The following ATP8A1 variants were observed in gnomAD, a reference collection of about 807,000 sequenced individuals.
ATP8A1 encodes ATPase phospholipid transporting 8A1.
Under a neutral mutation model 177.7 loss-of-function variants are expected in ATP8A1, and 90 were observed. The observed-to-expected ratio is 0.51, with a 90% CI of 0.43 to 0.60. The LOEUF (loss-of-function observed/expected upper bound fraction) is 0.60, where lower values mean the gene tolerates loss of function less well. ATP8A1 is among the 20% of genes least tolerant of loss of function. The pLI, the probability that ATP8A1 is intolerant of heterozygous loss-of-function variation, is 0.00. For missense variants in ATP8A1, 1,072 were observed against 1,392.8 expected (o/e 0.77, Z 3.67); for synonymous variants, 493 against 485.9 (o/e 1.01, Z -0.19).
chr4:42,571,827 A>G (rs1015541586), intron 14 of ATP8A1, among the ~76,000 whole-genome samples: 4 of 152,200 alleles, frequency 2.6e-5, no homozygotes, highest in Non-Finnish European at 2.9e-5. Context: ...ACTATGTACA[A>G]ATCTATTTTA....
intron 25 of ATP8A1, among the ~76,000 whole-genome samples, chr4:42,470,314 C>T (rs1259695737): frequency 6.6e-6 from 1 of 152,216 alleles, no homozygotes; most frequent in African/African-American, 2.4e-5. Context: ...GTAACTCTCA[C>T]TGCCCTGTGA....
At chr4:42,574,761 TTTAC>T (rs750336288) in intron 13 of ATP8A1, 54 bp from the exon 14 acceptor site, 7 of 1,259,676 alleles carry the variant, frequency 5.6e-6, no homozygotes, top group Non-Finnish European at 6.7e-6. Context: ...ATGCCACTCT[TTTAC>T]AGAGAAACCC....
At chr4:42,454,539 T>G (rs1333647860) in intron 29 of ATP8A1, among the ~76,000 whole-genome samples, 1 of 152,188 alleles carries the variant, frequency 6.6e-6, no homozygotes, top group Non-Finnish European at 1.5e-5. Flanking sequence ...CTAACTTGAT[T>G]GTTGTAATAT....
At chr4:42,462,721 C>A (rs1035874824) in intron 27 of ATP8A1, among the ~76,000 whole-genome samples, 27 of 152,230 alleles carry the variant, frequency 1.8e-4, no homozygotes, top group African/African-American at 6.0e-4. Context: ...GTCCTCCAGA[C>A]CTCAGAATGG....
At chr4:42,451,281 G>A (rs1471839017) in intron 30 of ATP8A1, among the ~76,000 whole-genome samples, 1 of 152,146 alleles carries the variant, frequency 6.6e-6, no homozygotes, top group Non-Finnish European at 1.5e-5. Flanking sequence ...TTCCTTGGGT[G>A]TACTATGTGT....
rs150573220 is a variant in ATP8A1, at chr4:42,566,111, T to C, written c.1340+3050A>G. 1.7e-3 allele frequency among the ~76,000 whole-genome samples: 262 copies of C among 152,332 alleles called. 1 individual carries two copies. Among genetic ancestry groups the C allele is most frequent in the Non-Finnish European group, 2.5e-3 (167 of 68,028 alleles). On this transcript the variant is annotated intron_variant, in intron 15 of 36. Transcript: ENST00000381668. Reference sequence around the variant, plus strand: ...GCTACAACCATCATCTGATTATCTTTAATGTTAACAGAATATGTGGAAAGA... The same window carrying C: ...GCTACAACCATCATCTGATTATCTTCAATGTTAACAGAATATGTGGAAAGA...
chr4:42,641,232 G>A (rs1315867534), intron 1 of ATP8A1, among the ~76,000 whole-genome samples: 1 of 152,040 alleles, frequency 6.6e-6, no homozygotes, highest in Non-Finnish European at 1.5e-5. Flanking sequence ...TATACTAAAG[G>A]CCTAAAGAAG....
chr4:42,414,878 A>C, intron 35 of ATP8A1, 160 bp from the exon 36 acceptor site: 4 of 615,972 alleles, frequency 6.5e-6, no homozygotes, highest in Non-Finnish European at 1.2e-5. Flanking sequence ...TAGCGAATGA[A>C]ATTTCAAGTA....
At chr4:42,563,944 A>G (rs955939977) in intron 15 of ATP8A1, among the ~76,000 whole-genome samples, 78 of 152,144 alleles carry the variant, frequency 5.1e-4, no homozygotes, top group African/African-American at 1.6e-3. Context: ...AAATACTTAA[A>G]ATTAGCTGGG....
chr4:42,590,218 G>A (rs576420562), intron 7 of ATP8A1, among the ~76,000 whole-genome samples: 104 of 152,232 alleles, frequency 6.8e-4, no homozygotes, highest in African/African-American at 2.2e-3. Flanking sequence ...TCACAGTAAC[G>A]TGCACTTTGT....
chr4:42,561,445 C>T (rs1730820771), intron 15 of ATP8A1: 1 of 152,354 alleles, frequency 6.6e-6, no homozygotes, highest in Admixed American at 6.5e-5. Flanking sequence ...GACTCTGGGA[C>T]CCCTGGCTTA....
chr4:42,591,728 C>A (rs1479780341), intron 6 of ATP8A1, among the ~76,000 whole-genome samples: 1 of 152,138 alleles, frequency 6.6e-6, no homozygotes, highest in Non-Finnish European at 1.5e-5. Flanking sequence ...AAATCTGTTT[C>A]ATTTCAAAAT....
intron 33 of ATP8A1, among the ~76,000 whole-genome samples, chr4:42,440,407 A>T (rs1052468499): frequency 6.6e-6 from 1 of 151,234 alleles, no homozygotes; most frequent in Non-Finnish European, 1.5e-5. Context: ...CACAACTGAA[A>T]ATATGGCTCT....
chr4:42,651,657 T>C (rs1741109653), intron 1 of ATP8A1, among the ~76,000 whole-genome samples: 1 of 152,222 alleles, frequency 6.6e-6, no homozygotes. Flanking sequence ...TGTGGTGCTT[T>C]CTGAAAAACC....
chr4:42,459,695 C>T (rs945309019), intron 27 of ATP8A1, among the ~76,000 whole-genome samples: 1 of 152,232 alleles, frequency 6.6e-6, no homozygotes, highest in Admixed American at 6.5e-5. Context: ...CTTCAAAACA[C>T]ACACTATTCC....
At position 42,466,815 on chromosome 4, in the gene ATP8A1, G is replaced by T. The variant is rs116989036; in HGVS notation, c.2325-1739C>A. On this transcript the variant is annotated intron_variant, in intron 25 of 36. Coordinates refer to ENST00000381668, the MANE Select transcript of ATP8A1 (RefSeq NM_006095.2). ...ACATTTTATTTAATTTTTCTTACCA[G>T]GCTAATATAAACTGGTAAGTCCACT... Among the ~76,000 whole-genome samples the T allele has an allele frequency of 8.4e-3, 1,285 of 152,144 alleles. 54 individuals carry two copies. In the East Asian group the frequency reaches 0.11, roughly 13 times the overall value.
At chr4:42,583,017 G>A (rs1452774604) in intron 9 of ATP8A1, among the ~76,000 whole-genome samples, 1 of 152,160 alleles carries the variant, frequency 6.6e-6, no homozygotes, top group Non-Finnish European at 1.5e-5. Flanking sequence ...TCTGGAAAAA[G>A]AAGGAAACAA....
chr4:42,524,876 T>C (rs1351362551), intron 20 of ATP8A1, 29 bp from the exon 21 acceptor site: 1 of 1,477,622 alleles, frequency 6.8e-7, no homozygotes, highest in South Asian at 1.2e-5. Flanking sequence ...GTAAAATGAT[T>C]TAATTAAGCA....
At chr4:42,529,128 G>A (rs1258459231) in intron 20 of ATP8A1, among the ~76,000 whole-genome samples, 2 of 152,128 alleles carry the variant, frequency 1.3e-5, no homozygotes, top group African/African-American at 4.8e-5. Flanking sequence ...GGTCCAGAAC[G>A]GACACAGGTC....
Sources: gnomAD v4.1 joint callset for allele counts (sites outside exome capture counted in the v4.1 genomes callset) on GRCh38, gnomAD v4.1.1 for gene constraint, MANE v1.5 for transcripts, NCBI Gene and HGNC (gene_info 2026-07-23, HGNC 2026-07-21) for gene names.